Variants in CSMD3 observed in about 807,000 individuals in gnomAD.
CSMD3 encodes the protein CUB and sushi domain-containing protein 3.
In CSMD3, 177 loss-of-function variants were observed where a neutral mutation model predicts 435.2. That is an observed-to-expected ratio of 0.41 (90% CI 0.36 to 0.46). The LOEUF is 0.46. Among genes scored for constraint, CSMD3 ranks in the 20% least tolerant of loss-of-function variants. The pLI is 0.34. For synonymous variants in CSMD3, 1,656 were observed against 1,520.5 expected, an observed-to-expected ratio of 1.09 and a Z score of -2.07; for missense variants, 4,265 against 4,504.6, an observed-to-expected ratio of 0.95 and a Z score of 1.52.
At chr8:113,244,645 C>T (rs2132262947) in intron 3 of CSMD3, among the ~76,000 whole-genome samples, 1 of 152,146 alleles carries the variant, frequency 6.6e-6, no homozygotes, top group East Asian at 1.9e-4. Context: ...CAGCAGTAAT[C>T]AAACTTCATT....
chr8:112,835,796 T>A (rs1399188612), intron 11 of CSMD3, among the ~76,000 whole-genome samples: 1 of 151,842 alleles, frequency 6.6e-6, no homozygotes, highest in Non-Finnish European at 1.5e-5. Flanking sequence ...AAATAAATCC[T>A]CTCAGGAATC....
chr8:113,326,404 TAAC>T (rs2093984208), intron 1 of CSMD3, among the ~76,000 whole-genome samples: 2 of 151,954 alleles, frequency 1.3e-5, no homozygotes, highest in Non-Finnish European at 2.9e-5. Context: ...ACAATAATAA[TAAC>T]ATAGTTTTTT....
In CSMD3 at chr8:113,291,172, T is replaced by C. The variant is rs553288463; in HGVS notation, c.402-12468A>G. 1.1e-4 allele frequency among the ~76,000 whole-genome samples: 17 copies of C among 151,832 alleles called. No homozygotes were observed. In the South Asian group the frequency reaches 2.9e-3, roughly 26 times the overall value. Reference sequence around the variant, plus strand: ...CTCTAATAACTATATATTTTAGTTGTTGAAAACCATGGAAATATGACTTGA... The same window carrying C: ...CTCTAATAACTATATATTTTAGTTGCTGAAAACCATGGAAATATGACTTGA... On this transcript the variant is annotated intron_variant, in intron 2 of 70. Transcript: ENST00000297405.
chr8:112,381,505 A>G (rs945602659), intron 37 of CSMD3, among the ~76,000 whole-genome samples: 1 of 152,246 alleles, frequency 6.6e-6, no homozygotes, highest in Non-Finnish European at 1.5e-5. Flanking sequence ...TAGTTCAACA[A>G]GCATATGAGT....
At chr8:112,360,670 A>C (rs1827105686) in intron 38 of CSMD3, among the ~76,000 whole-genome samples, 1 of 151,904 alleles carries the variant, frequency 6.6e-6, no homozygotes. Context: ...TATATAATAA[A>C]ATAACTTATA....
intron 1 of CSMD3, among the ~76,000 whole-genome samples, chr8:113,334,277 GT>G (rs199620801): frequency 0.23 from 18,242 of 78,654 alleles, 1,335 homozygotes; most frequent in African/African-American, 0.35. Flanking sequence ...GATAGTTTAA[GT>G]TTTTTTTTTT....
chr8:113,293,567 G>C (rs1442083961), intron 2 of CSMD3, among the ~76,000 whole-genome samples: 2 of 152,000 alleles, frequency 1.3e-5, no homozygotes, highest in African/African-American at 4.8e-5. Flanking sequence ...ATGGTACATG[G>C]CACACACAGA....
At chr8:113,372,564 T>C (rs1384230190) in intron 1 of CSMD3, among the ~76,000 whole-genome samples, 1 of 152,200 alleles carries the variant, frequency 6.6e-6, no homozygotes, top group African/African-American at 2.4e-5. Context: ...CCCCAAATTA[T>C]ACAACCTCAT....
chr8:113,106,373 A>T (rs1180036571), intron 4 of CSMD3, among the ~76,000 whole-genome samples: 1 of 152,174 alleles, frequency 6.6e-6, no homozygotes, highest in African/African-American at 2.4e-5. Context: ...GACAGTACAA[A>T]AGAAAACACA....
At chr8:112,587,480 T>C (rs945433145) in intron 22 of CSMD3, among the ~76,000 whole-genome samples, 2 of 151,712 alleles carry the variant, frequency 1.3e-5, no homozygotes, top group East Asian at 1.9e-4. Context: ...GTAGTAATTT[T>C]CCCCCTGGAT....
chr8:112,781,302 G>T (rs2078379294), intron 13 of CSMD3, among the ~76,000 whole-genome samples: 1 of 152,034 alleles, frequency 6.6e-6, no homozygotes, highest in Non-Finnish European at 1.5e-5. Context: ...TACCATGGTT[G>T]TAGAACAGGG....
At chr8:112,845,252 G>C (rs1004656966) in intron 11 of CSMD3, among the ~76,000 whole-genome samples, 2 of 151,946 alleles carry the variant, frequency 1.3e-5, no homozygotes, top group Admixed American at 6.6e-5. Flanking sequence ...CTCAGGAACT[G>C]GTTTTTGTCC....
intron 3 of CSMD3, among the ~76,000 whole-genome samples, chr8:113,256,913 T>C (rs557342546): frequency 1.3e-5 from 2 of 152,254 alleles, no homozygotes; most frequent in East Asian, 1.9e-4. Context: ...ACTCCAGATG[T>C]GTAAAATAAG....
chr8:112,666,360 C>T lies in CSMD3; in HGVS notation c.2733G>A (p.Trp911Ter), dbSNP rs2131707740. The T allele has an allele frequency of 6.2e-7, 1 of 1,612,402 alleles. No individual in the cohort carries two copies. Among genetic ancestry groups the T allele is most frequent in the Non-Finnish European group, 8.5e-7 (1 of 1,179,068 alleles). ...APSGVILSPG[W>*]PGYYKDSLNC... Reference sequence around the variant, plus strand: ...TCAAAGAGTCTTTGTAGTATCCTGGCCATCCTGGTGAGAGAATCACTCCAC... The same window carrying T: ...TCAAAGAGTCTTTGTAGTATCCTGGTCATCCTGGTGAGAGAATCACTCCAC... Residue 911 changes from tryptophan (W) to a stop codon, truncating the protein, a stop_gained, in exon 17 of 71, where the codon TGG (tryptophan) becomes TGA (stop). Transcript: ENST00000297405. LOFTEE classifies it high-confidence loss of function.
chr8:113,148,033 A>C (rs1400917375), intron 4 of CSMD3, among the ~76,000 whole-genome samples: 1 of 151,512 alleles, frequency 6.6e-6, no homozygotes, highest in Non-Finnish European at 1.5e-5. Context: ...TTACACTCCC[A>C]CTTTCTCAAA....
At chr8:113,309,019 G>A (rs1186492310) in intron 2 of CSMD3, among the ~76,000 whole-genome samples, 5 of 152,038 alleles carry the variant, frequency 3.3e-5, no homozygotes, top group Non-Finnish European at 7.4e-5. Context: ...TGCAGTCTCT[G>A]CTCACTGCAA....
chr8:113,343,942 A>T (rs2094136160), intron 1 of CSMD3, among the ~76,000 whole-genome samples: 1 of 152,116 alleles, frequency 6.6e-6, no homozygotes, highest in South Asian at 2.1e-4. Context: ...AATTAGTTGT[A>T]ATAATGTACT....
intron 23 of CSMD3, among the ~76,000 whole-genome samples, chr8:112,579,761 C>A (rs987724970): frequency 3.9e-5 from 6 of 151,946 alleles, no homozygotes; most frequent in African/African-American, 1.4e-4. Context: ...AGGTTAATAA[C>A]TTTATCATGT....
At chr8:112,278,489 T>A (rs920761143) in intron 59 of CSMD3, among the ~76,000 whole-genome samples, 1 of 152,168 alleles carries the variant, frequency 6.6e-6, no homozygotes, top group Non-Finnish European at 1.5e-5. Context: ...TTAGATTTAA[T>A]CATATGTCTC....
Sources: allele counts gnomAD v4.1 joint callset (sites outside exome capture counted in the v4.1 genomes callset), GRCh38; gene constraint gnomAD v4.1.1; transcripts MANE v1.5; gene names NCBI Gene and HGNC (gene_info 2026-07-23, HGNC 2026-07-21).